The following MAPK4 variants were observed in gnomAD, a reference collection of about 807,000 sequenced individuals.
MAPK4 encodes the protein Erk3-related.
In MAPK4, 22 loss-of-function variants were observed where a neutral mutation model predicts 47.7. The observed-to-expected ratio is 0.46, with a 90% CI of 0.33 to 0.66. The LOEUF (loss-of-function observed/expected upper bound fraction) is 0.66. Ranked by LOEUF, MAPK4 falls within the 30% of genes least tolerant of loss-of-function variation. The pLI is 0.02. For missense variants in MAPK4, 736 were observed against 831.7 expected, an observed-to-expected ratio of 0.88 and a Z score of 1.42; for synonymous variants, 390 against 365.7, an observed-to-expected ratio of 1.07 and a Z score of -0.76.
chr18:50,645,014 G>C (rs993285126), intron 1 of MAPK4, among the ~76,000 whole-genome samples: 5 of 152,188 alleles, frequency 3.3e-5, no homozygotes, highest in Admixed American at 6.5e-5. Flanking sequence ...TTGCAGGCGA[G>C]AGCCATCTAG....
At chr18:50,639,905 C>T (rs1014437840) in intron 1 of MAPK4, among the ~76,000 whole-genome samples, 3 of 152,186 alleles carry the variant, frequency 2.0e-5, no homozygotes, top group Admixed American at 6.5e-5. Flanking sequence ...ACTCTTCGCT[C>T]GTTAATAATT....
At chr18:50,650,904 C>T (rs948360395) in intron 1 of MAPK4, among the ~76,000 whole-genome samples, 1 of 152,224 alleles carries the variant, frequency 6.6e-6, no homozygotes, top group Non-Finnish European at 1.5e-5. Flanking sequence ...CTGGCTGGAT[C>T]AGGTTCCCCT....
chr18:50,647,641 T>C (rs1029370192), intron 1 of MAPK4, among the ~76,000 whole-genome samples: 14 of 152,206 alleles, frequency 9.2e-5, no homozygotes, highest in Non-Finnish European at 1.9e-4. Flanking sequence ...TCGATGCCAC[T>C]GAACTCTCAC....
intron 1 of MAPK4, among the ~76,000 whole-genome samples, chr18:50,593,043 G>C (rs977443020): frequency 6.6e-6 from 1 of 152,204 alleles, no homozygotes; most frequent in Non-Finnish European, 1.5e-5. Flanking sequence ...AAAAAATTGA[G>C]ACATGGAGAG....
intron 1 of MAPK4, among the ~76,000 whole-genome samples, chr18:50,634,113 C>G (rs2079038244): frequency 1.3e-5 from 2 of 152,252 alleles, no homozygotes; most frequent in South Asian, 4.1e-4. Flanking sequence ...CACCATTTCT[C>G]TCTTTTCCAA....
At chr18:50,606,984 C>T (rs2042588229) in intron 1 of MAPK4, among the ~76,000 whole-genome samples, 2 of 152,224 alleles carry the variant, frequency 1.3e-5, no homozygotes, top group South Asian at 4.1e-4. Flanking sequence ...GCATGTTGCA[C>T]ACATAGCGTG....
At position 50,592,957 on chromosome 18, in the gene MAPK4, A is replaced by T. The variant is rs141884157; in HGVS notation, c.-871+32714A>T. Reference sequence around the variant, plus strand: ...AACCATAATATAGCACCTATTGTGTAGTGGGCACTGGTGTGAGTCCTTTAC... The same window carrying T: ...AACCATAATATAGCACCTATTGTGTTGTGGGCACTGGTGTGAGTCCTTTAC... On this transcript the variant is annotated intron_variant, in intron 1 of 5. Coordinates refer to ENST00000400384, the MANE Select transcript of MAPK4 (RefSeq NM_002747.4). Among the ~76,000 whole-genome samples, 9 of 152,334 alleles carry T rather than the reference A, an allele frequency of 5.9e-5. No homozygotes were observed. The East Asian group carries it at 1.7e-3, about 29-fold the overall frequency.
intron 5 of MAPK4, 89 bp from the exon 6 acceptor site, chr18:50,729,065 TGTGA>T: frequency 9.2e-7 from 1 of 1,091,040 alleles, no homozygotes; most frequent in Non-Finnish European, 1.3e-6. Flanking sequence ...AAGGCAGGTG[TGTGA>T]GTGGCAAACA....
At chr18:50,644,352 G>A (rs1369252949) in intron 1 of MAPK4, among the ~76,000 whole-genome samples, 1 of 152,088 alleles carries the variant, frequency 6.6e-6, no homozygotes, top group Non-Finnish European at 1.5e-5. Context: ...TGAGTGGCAA[G>A]GATCCACTAG....
intron 1 of MAPK4, among the ~76,000 whole-genome samples, chr18:50,651,210 C>G (rs538959851): frequency 1.1e-3 from 167 of 152,300 alleles, no homozygotes; most frequent in Middle Eastern, 0.01. Flanking sequence ...CAGTGGATTC[C>G]CCACTGCCCA....
At chr18:50,716,348 C>T (rs1243963302) in intron 3 of MAPK4, among the ~76,000 whole-genome samples, 1 of 152,168 alleles carries the variant, frequency 6.6e-6, no homozygotes, top group Non-Finnish European at 1.5e-5. Context: ...GGGTCTCCTC[C>T]TCCCTCTCTG....
At chr18:50,726,499 G>A (rs1458220755) in intron 5 of MAPK4, among the ~76,000 whole-genome samples, 1 of 152,160 alleles carries the variant, frequency 6.6e-6, no homozygotes, top group Admixed American at 6.5e-5. Flanking sequence ...AGCAGCCTGG[G>A]AACTTGCCCT....
intron 2 of MAPK4, among the ~76,000 whole-genome samples, chr18:50,681,651 C>G (rs964490232): frequency 2.0e-5 from 3 of 152,116 alleles, no homozygotes; most frequent in Non-Finnish European, 4.4e-5. Context: ...GTAATGATCC[C>G]AGCACCATCT....
rs537777890 is a variant in MAPK4 at position 50,723,097 on chromosome 18, C to T, written c.853+998C>T. 2.0e-5 allele frequency among the ~76,000 whole-genome samples: 3 copies of T among 152,294 alleles called. No homozygotes were observed. The East Asian group carries it at 5.8e-4, about 29-fold the overall frequency. On this transcript the variant is annotated intron_variant, in intron 4 of 5. Coordinates refer to ENST00000400384, the MANE Select transcript of MAPK4 (RefSeq NM_002747.4). ...TAACCCTGAAATCTCCGTGGCTTAA[C>T]CCACTTACAGTTTATTCATTGTTTA... is the stretch of plus-strand genomic sequence containing the variant.
chr18:50,606,482 C>T (rs777473086), intron 1 of MAPK4, among the ~76,000 whole-genome samples: 28 of 152,212 alleles, frequency 1.8e-4, no homozygotes, highest in Middle Eastern at 3.4e-3. Flanking sequence ...AAAAATGCTG[C>T]CCTATCTATT....
intron 2 of MAPK4, among the ~76,000 whole-genome samples, chr18:50,676,821 T>C (rs566119206): frequency 6.6e-6 from 1 of 152,224 alleles, no homozygotes; most frequent in African/African-American, 2.4e-5. Flanking sequence ...AATAGTAAGT[T>C]TGAAAAGCAA....
intron 1 of MAPK4, among the ~76,000 whole-genome samples, chr18:50,576,295 C>T (rs2969969): frequency 0.28 from 43,150 of 152,190 alleles, 6,248 homozygotes; most frequent in East Asian, 0.41. Flanking sequence ...CACCATGGAA[C>T]ACTATGCAGC....
chr18:50,639,491 T>A (rs1403123886), intron 1 of MAPK4, among the ~76,000 whole-genome samples: 1 of 152,118 alleles, frequency 6.6e-6, no homozygotes, highest in Non-Finnish European at 1.5e-5. Context: ...AAATTATATA[T>A]GGTCATTGTA....
chr18:50,719,645 C>T (rs914764256), intron 3 of MAPK4, among the ~76,000 whole-genome samples: 3 of 152,200 alleles, frequency 2.0e-5, no homozygotes, highest in Non-Finnish European at 2.9e-5. Context: ...CAGCCTTGAA[C>T]CCTCAGCTCA....
Sources: allele counts gnomAD v4.1 joint callset (sites outside exome capture counted in the v4.1 genomes callset), GRCh38; gene constraint gnomAD v4.1.1; transcripts MANE v1.5; gene names NCBI Gene and HGNC (gene_info 2026-07-23, HGNC 2026-07-21).